PKHD1: variants seen among roughly 807,000 people sequenced by gnomAD.
The protein encoded by PKHD1 is PKHD1 ciliary IPT domain containing fibrocystin/polyductin.
PKHD1 carries 291 observed loss-of-function variants against 412.0 expected under a neutral mutation model. The ratio of observed to expected loss-of-function variants is 0.71; its 90% confidence interval spans 0.64 to 0.78. PKHD1 has a LOEUF of 0.78. Among genes scored for constraint, PKHD1 ranks in the 30% least tolerant of loss-of-function variants. The pLI is 0.00. For synonymous variants in PKHD1, 1,777 were observed against 1,821.5 expected (o/e 0.98, Z 0.62); for missense variants, 4,825 against 4,950.7 (o/e 0.97, Z 0.76).
intron 21 of PKHD1, among the ~76,000 whole-genome samples, chr6:52,051,114 T>C (rs1806775729): frequency 6.6e-6 from 1 of 152,210 alleles, no homozygotes; most frequent in Non-Finnish European, 1.5e-5. Flanking sequence ...AAATGATTAC[T>C]TGCTCAGCTG....
At chr6:51,767,465 G>A (rs111784646) in intron 55 of PKHD1, among the ~76,000 whole-genome samples, 27,990 of 151,548 alleles carry the variant, frequency 0.18, 3,389 homozygotes, top group African/African-American at 0.34. Flanking sequence ...ATCCCTCCCC[G>A]CTCCCCTCAC....
At chr6:52,057,157 CT>C (rs1807890368) in intron 16 of PKHD1, among the ~76,000 whole-genome samples, 178 bp from the exon 17 acceptor site, 1 of 152,212 alleles carries the variant, frequency 6.6e-6, no homozygotes, top group South Asian at 2.1e-4. Flanking sequence ...CTAATGAGAA[CT>C]TTTGTTGGAC....
chr6:51,939,983 GT>G (rs1490547349), intron 36 of PKHD1, among the ~76,000 whole-genome samples: 3 of 151,398 alleles, frequency 2.0e-5, no homozygotes, highest in African/African-American at 7.3e-5. Context: ...TCTTAAAAAG[GT>G]GGCTGGAGCT....
intron 37 of PKHD1, among the ~76,000 whole-genome samples, chr6:51,912,777 A>G (rs1252774979): frequency 1.3e-5 from 2 of 152,002 alleles, no homozygotes; most frequent in African/African-American, 4.8e-5. Flanking sequence ...TTTTCTTTTT[A>G]TCTATAAAAA....
At chr6:51,929,659 C>T (rs1786273112) in intron 37 of PKHD1, among the ~76,000 whole-genome samples, 1 of 152,168 alleles carries the variant, frequency 6.6e-6, no homozygotes, top group Non-Finnish European at 1.5e-5. Context: ...GTACTCATAG[C>T]AACCATGGAA....
chr6:51,911,716 C>T (rs1342899552), intron 39 of PKHD1, 83 bp downstream of exon 39: 2 of 1,224,664 alleles, frequency 1.6e-6, no homozygotes, highest in African/African-American at 3.0e-5. Flanking sequence ...TAAAAGAGGT[C>T]AACCACAGCA....
intron 36 of PKHD1, among the ~76,000 whole-genome samples, chr6:51,947,077 T>C (rs1225720869): frequency 1.3e-5 from 2 of 152,236 alleles, no homozygotes; most frequent in Non-Finnish European, 2.9e-5. Context: ...GACTGTCTTT[T>C]GAACCCTCCC....
At chr6:52,065,153 A>ATATATATATG (rs1404847212) in intron 12 of PKHD1, 103 bp from the exon 13 acceptor site, 5 of 98,784 alleles carry the variant, frequency 5.1e-5, no homozygotes, top group South Asian at 5.9e-4. Context: ...ATATATATAT[A>ATATATATATG]TATATATATA....
At chr6:51,729,994 T>C (rs1053896147) in intron 60 of PKHD1, among the ~76,000 whole-genome samples, 22 of 152,212 alleles carry the variant, frequency 1.4e-4, no homozygotes, top group Non-Finnish European at 1.6e-4. Context: ...TGTGCTTTGA[T>C]TGTGAGAAAA....
chr6:51,773,023 C>T (rs1582603710), intron 54 of PKHD1, among the ~76,000 whole-genome samples: 1 of 151,990 alleles, frequency 6.6e-6, no homozygotes, highest in Non-Finnish European at 1.5e-5. Flanking sequence ...GAATGCTACA[C>T]CACATCACAA....
intron 11 of PKHD1, among the ~76,000 whole-genome samples, chr6:52,066,576 T>C (rs1403053961): frequency 1.3e-5 from 2 of 152,160 alleles, no homozygotes; most frequent in Admixed American, 1.3e-4. Flanking sequence ...TCACACCTCA[T>C]ACCCAGTTCT....
Position 52,073,458 on chromosome 6 carries a change from C to T in PKHD1, c.527+5G>A, listed in dbSNP as rs776778488. ...AGTTAAACACAAAAACAAACACACA[C>T]TTACCTATCAATGTACTCAGCATCA... On this transcript the variant is annotated splice_donor_5th_base_variant and intron_variant, in intron 7 of 66. Transcript: ENST00000371117. 2 of 1,578,296 alleles carry T rather than the reference C, an allele frequency of 1.3e-6. No individual in the cohort carries two copies. Among genetic ancestry groups the T allele is most frequent in the South Asian group, 2.2e-5 (2 of 90,240 alleles).
At chr6:51,620,088 ATT>A (rs1415083889) in intron 66 of PKHD1, among the ~76,000 whole-genome samples, 1 of 152,186 alleles carries the variant, frequency 6.6e-6, no homozygotes, top group East Asian at 1.9e-4. Context: ...AAGTCACAAA[ATT>A]AGGCCCAAGT....
At chr6:51,816,063 G>A (rs1349326537) in intron 52 of PKHD1, among the ~76,000 whole-genome samples, 1 of 151,956 alleles carries the variant, frequency 6.6e-6, no homozygotes, top group African/African-American at 2.4e-5. Context: ...TTCCTTTTCT[G>A]GAAGGGTAAA....
At chr6:51,900,652 A>G (rs1316635646) in intron 43 of PKHD1, among the ~76,000 whole-genome samples, 1 of 152,082 alleles carries the variant, frequency 6.6e-6, no homozygotes, top group African/African-American at 2.4e-5. Flanking sequence ...AATGGCAACA[A>G]AAGCCAAAAT....
chr6:52,084,770 A>G lies in PKHD1; in HGVS notation c.52+112T>C, dbSNP rs1812513430. On this transcript the variant is annotated intron_variant, in intron 2 of 66. Transcript: ENST00000371117. ...CAATTTTTTGATTGGCAAGTTAAAA[A>G]TGCATATATTTATGGTATACAACCA... is the stretch of plus-strand genomic sequence containing the variant. 7 of 786,782 alleles carry G rather than the reference A, an allele frequency of 8.9e-6. No homozygotes were observed. The East Asian group carries it at 1.7e-4, about 19-fold the overall frequency. 48.7% of individuals were successfully genotyped at this position (786,782 alleles called of 1,614,324 possible).
chr6:51,856,419 C>T (rs558236568), intron 48 of PKHD1, among the ~76,000 whole-genome samples: 4 of 152,346 alleles, frequency 2.6e-5, no homozygotes, highest in African/African-American at 9.6e-5. Context: ...TCACTGCAAC[C>T]TCCACCACTA....
chr6:51,746,852 G>A lies in PKHD1; in HGVS notation c.9867C>T (p.Ser3289=), dbSNP rs747103964. 6.8e-6 allele frequency: 11 copies of A among 1,609,194 alleles called. No homozygotes were observed. Among genetic ancestry groups the A allele is most frequent in the Admixed American group, 6.7e-5 (4 of 59,842 alleles). ...GTAGAATGCAGACATCCAGGTCATC[G>A]CTATAGCAACTCTTCACAAAACTAG... ...TFSSFVKSCY[S]DDLDVCILPN... The change falls in exon 59 of 67, where the codon AGC becomes AGT. Residue 3289 remains serine (S), a synonymous_variant. Coordinates refer to ENST00000371117, the MANE Select transcript of PKHD1 (RefSeq NM_138694.4).
intron 5 of PKHD1, among the ~76,000 whole-genome samples, chr6:52,079,301 T>C (rs1199514020): frequency 6.6e-6 from 1 of 152,206 alleles, no homozygotes; most frequent in African/African-American, 2.4e-5. Context: ...TTGATCTCCC[T>C]GAGCATGAAG....
Sources: allele counts gnomAD v4.1 joint callset (sites outside exome capture counted in the v4.1 genomes callset), GRCh38; gene constraint gnomAD v4.1.1; transcripts MANE v1.5; gene names NCBI Gene and HGNC (gene_info 2026-07-23, HGNC 2026-07-21).